The following DLG5 variants were observed in gnomAD, a reference collection of about 807,000 sequenced individuals.
DLG5 encodes discs large MAGUK scaffold protein 5.
A neutral mutation model predicts 189.8 loss-of-function variants in DLG5; 48 were observed. The observed-to-expected ratio is 0.25, with a 90% CI of 0.20 to 0.32. The LOEUF (loss-of-function observed/expected upper bound fraction) is 0.32, where lower values mean the gene tolerates loss of function less well. DLG5 is among the 10% of genes least tolerant of loss of function. The probability of loss-of-function intolerance (pLI) is 1.00; values close to 1 mark genes in which losing one functional copy is unlikely to be tolerated. For missense variants in DLG5, 2,160 were observed against 2,544.7 expected (o/e 0.85, Z 3.25); for synonymous variants, 1,016 against 1,054.1 (o/e 0.96, Z 0.70).
At chr10:77,839,892 T>G (rs951055337) in intron 7 of DLG5, among the ~76,000 whole-genome samples, 1 of 152,230 alleles carries the variant, frequency 6.6e-6, no homozygotes, top group Non-Finnish European at 1.5e-5. Context: ...TTCCCATTAC[T>G]TGGCTGGCCC....
At chr10:77,861,533 CG>C (rs1844471574) in intron 2 of DLG5, among the ~76,000 whole-genome samples, 4 of 152,202 alleles carry the variant, frequency 2.6e-5, no homozygotes, top group Admixed American at 2.6e-4. Flanking sequence ...TGTCTCCAGA[CG>C]TCTCAGTCTA....
At chr10:77,889,918 T>C (rs1845556896) in intron 1 of DLG5, among the ~76,000 whole-genome samples, 1 of 151,946 alleles carries the variant, frequency 6.6e-6, no homozygotes, top group African/African-American at 2.4e-5. Flanking sequence ...GAGCCAGAGA[T>C]GGTGAGCATC....
At chr10:77,826,657 C>A (rs1348328499) in intron 13 of DLG5, among the ~76,000 whole-genome samples, 5 of 149,730 alleles carry the variant, frequency 3.3e-5, no homozygotes, top group African/African-American at 1.2e-4. Context: ...AGACATGCTG[C>A]TAAAATCTGG....
intron 1 of DLG5, among the ~76,000 whole-genome samples, chr10:77,908,357 G>A (rs776142883): frequency 6.6e-6 from 1 of 152,034 alleles, no homozygotes; most frequent in Non-Finnish European, 1.5e-5. Flanking sequence ...ACCCACCTGC[G>A]GCCACCGGGT....
At chr10:77,811,877 C>T in intron 22 of DLG5, 47 bp downstream of exon 22, 1 of 1,562,760 alleles carries the variant, frequency 6.4e-7, no homozygotes, top group Non-Finnish European at 8.6e-7. Flanking sequence ...CTGCTGCACC[C>T]ACCTCTCCAC....
upstream of DLG5, chr10:77,927,889 G>A (rs533305722): frequency 6.6e-6 from 1 of 152,376 alleles, no homozygotes; most frequent in South Asian, 2.1e-4. Context: ...CTCCTCTGTA[G>A]AGTGGGAACC....
rs200457217 is a variant in DLG5 at position 77,822,065 on chromosome 10, T to C, written c.2419A>G (p.Ile807Val). Residue 807 changes from isoleucine to valine, a missense_variant, in exon 15 of 32, where the codon ATT becomes GTT. Ile to Val is a conservative substitution (Grantham distance 29, BLOSUM62 3). Around this residue, in one of 5 missense-constraint regions of DLG5, gnomAD observed 754 missense variants for 746.5 expected, o/e 1.01. Transcript: ENST00000372391. ...TCAGAGTCTTTGATATTTTCAAAAATGTTCTGGCCACTCCACGAGGAGCTC... is the reference window on the plus strand; with the variant it reads ...TCAGAGTCTTTGATATTTTCAAAAACGTTCTGGCCACTCCACGAGGAGCTC... The part of the protein sequence containing the change: ...PQSSSWSGQN[I>V]FENIKDSDKM... The C allele has an allele frequency of 1.3e-5, 21 of 1,614,068 alleles. No individual in the cohort carries two copies. In the East Asian group the frequency reaches 3.6e-4, roughly 27 times the overall value.
chr10:77,808,779 G>A (rs12258072), intron 24 of DLG5, among the ~76,000 whole-genome samples: 6,433 of 152,248 alleles, frequency 0.042, 460 homozygotes, highest in African/African-American at 0.15. Flanking sequence ...GGCTTGGCAG[G>A]ATTCTGGGTT....
rs1273331937 is a variant in DLG5 at position 77,821,160 on chromosome 10, C to T, written c.3324G>A (p.Gln1108=). 1 of 1,614,186 alleles carries T rather than the reference C, an allele frequency of 6.2e-7. No homozygotes were observed. The highest frequency in any genetic ancestry group is 8.5e-7 in the Non-Finnish European group (1 of 1,180,052). ...LTSQKVDELG[Q]KRRRPKSAPS... The stretch of plus-strand genomic sequence containing the variant: ...GAGCAGATTTTGGCCGGCGACGCTT[C>T]TGCCCCAGCTCATCCACCTTCTGGG... The change falls in exon 15 of 32, where the codon CAG becomes CAA. Residue 1108 remains glutamine, a synonymous_variant. Coordinates refer to ENST00000372391, the MANE Select transcript of DLG5 (RefSeq NM_004747.4).
chr10:77,796,658 G>C lies in DLG5; in HGVS notation c.5165-64C>G. 1 of 1,598,590 alleles carries C rather than the reference G, an allele frequency of 6.3e-7. No individual in the cohort carries two copies. The highest frequency in any genetic ancestry group is 8.6e-7 in the Non-Finnish European group (1 of 1,168,972). ...GGAGTGGAGGACCTGAGTGGGGCTG[G>C]GGAACCCCGCTCCCTGACCTCGCCC... On this transcript the variant is annotated intron_variant, in intron 27 of 31. Transcript: ENST00000372391. The surrounding 1 kb of genome is among the most constrained non-coding windows in gnomAD (Gnocchi z 5.2).
At chr10:77,859,928 G>A (rs1344821840) in intron 2 of DLG5, among the ~76,000 whole-genome samples, 1 of 152,148 alleles carries the variant, frequency 6.6e-6, no homozygotes, top group Non-Finnish European at 1.5e-5. Context: ...CTTCACTGCT[G>A]CCCCCAGCAG....
At chr10:77,824,773 G>A in intron 13 of DLG5, 1 of 337,072 alleles carries the variant, frequency 3.0e-6, no homozygotes, top group East Asian at 5.5e-5. Context: ...GCCCGGCCAT[G>A]TGGCGTGGGA....
intron 13 of DLG5, 67 bp downstream of exon 13, chr10:77,828,815 C>T: frequency 6.5e-7 from 1 of 1,547,612 alleles, no homozygotes; most frequent in Non-Finnish European, 8.9e-7. Flanking sequence ...TTACTTCTTG[C>T]TCAAACCTCC....
At chr10:77,801,491 C>T (rs1230047693) in intron 27 of DLG5, among the ~76,000 whole-genome samples, 1 of 152,034 alleles carries the variant, frequency 6.6e-6, no homozygotes, top group African/African-American at 2.4e-5. Context: ...AACAAAAACC[C>T]CGAGGAGAGG....
In DLG5 at chr10:77,841,919, T is replaced by A; in HGVS notation, c.1399A>T (p.Lys467Ter). 6.2e-7 allele frequency: 1 copy of A among 1,612,956 alleles called. No homozygotes were observed. The highest frequency in any genetic ancestry group is 8.5e-7 in the Non-Finnish European group (1 of 1,179,130). The change falls in exon 7 of 32, where the codon AAG becomes TAG. Residue 467 changes from lysine (K) to a stop codon, truncating the protein, a stop_gained. Coordinates refer to ENST00000372391, the MANE Select transcript of DLG5 (RefSeq NM_004747.4). LOFTEE classifies it high-confidence loss of function. ...ESKLKSSTSEKKAANEEMEAL... is the reference protein window; with the variant it reads ...ESKLKSSTSE The stretch of plus-strand genomic sequence containing the variant: ...TCCATCTCCTCATTGGCCGCCTTCT[T>A]CTCAGATGTGCTGCTCTTGAGCTTG...
At chr10:77,825,855 C>T (rs575014754) in intron 13 of DLG5, among the ~76,000 whole-genome samples, 161 of 152,226 alleles carry the variant, frequency 1.1e-3, no homozygotes, top group African/African-American at 3.7e-3. Flanking sequence ...CCATGCCCGG[C>T]CAGTCAAGTT....
intron 1 of DLG5, among the ~76,000 whole-genome samples, chr10:77,909,767 A>G (rs997247098): frequency 1.3e-5 from 2 of 152,052 alleles, no homozygotes; most frequent in African/African-American, 4.8e-5. Flanking sequence ...TTTTCAGGAG[A>G]AGGACTCAAA....
intron 1 of DLG5, among the ~76,000 whole-genome samples, chr10:77,898,322 A>G (rs540348697): frequency 6.6e-6 from 1 of 152,374 alleles, no homozygotes; most frequent in South Asian, 2.1e-4. Context: ...GGAGAGAGAA[A>G]AAGGGAAGCA....
chr10:77,826,955 A>G (rs1336313954), intron 13 of DLG5, among the ~76,000 whole-genome samples: 1 of 152,226 alleles, frequency 6.6e-6, no homozygotes, highest in Admixed American at 6.5e-5. Flanking sequence ...CTTAAAAAAT[A>G]ATAATAAAAA....
Sources: gnomAD v4.1 joint callset for allele counts (sites outside exome capture counted in the v4.1 genomes callset) on GRCh38, gnomAD v4.1.1 for gene constraint, gnomAD v4.1.1 regional missense constraint, Gnocchi (gnomAD v3.1) non-coding constraint, MANE v1.5 for transcripts, NCBI Gene and HGNC (gene_info 2026-07-23, HGNC 2026-07-21) for gene names.